The following SRGAP2 variants were observed in gnomAD, a reference collection of about 807,000 sequenced individuals.
SRGAP2 encodes SLIT-ROBO Rho GTPase-activating protein 2.
Under a neutral mutation model 57.2 loss-of-function variants are expected in SRGAP2, and 15 were observed. The observed-to-expected ratio is 0.26, with a 90% CI of 0.18 to 0.40. SRGAP2 has a LOEUF of 0.40. Ranked by LOEUF, SRGAP2 falls within the 10% of genes least tolerant of loss-of-function variation. The pLI, the probability that SRGAP2 is intolerant of heterozygous loss-of-function variation, is 1.00. For missense variants in SRGAP2, 520 were observed against 669.6 expected (o/e 0.78, Z 2.47); for synonymous variants, 249 against 248.0 (o/e 1.00, Z -0.04).
chr1:206,353,743 C>A (rs1481544612), intron 4 of SRGAP2, among the ~76,000 whole-genome samples: 1 of 147,902 alleles, frequency 6.8e-6, no homozygotes, highest in Non-Finnish European at 1.5e-5. Context: ...CCAATTCTTT[C>A]TTTTGTTCAC....
intron 2 of SRGAP2, among the ~76,000 whole-genome samples, chr1:206,284,025 T>C: frequency 6.6e-6 from 1 of 151,138 alleles, no homozygotes; most frequent in Non-Finnish European, 1.5e-5. Context: ...TTTAATTACT[T>C]GCTAACACAT....
At chr1:206,384,679 C>G (rs1656026799) in intron 5 of SRGAP2, among the ~76,000 whole-genome samples, 1 of 151,548 alleles carries the variant, frequency 6.6e-6, no homozygotes, top group South Asian at 2.1e-4. Flanking sequence ...TCTGAGATGA[C>G]TGGCGCTTCA....
At chr1:206,309,874 C>T (rs1672508624) in intron 3 of SRGAP2, among the ~76,000 whole-genome samples, 1 of 151,120 alleles carries the variant, frequency 6.6e-6, no homozygotes, top group Admixed American at 6.6e-5. Flanking sequence ...AAATCCAGGA[C>T]CCCAGGCTTA....
At chr1:206,438,298 AC>A (rs200196385) in intron 16 of SRGAP2, among the ~76,000 whole-genome samples, 200 bp downstream of exon 16, 1 of 145,812 alleles carries the variant, frequency 6.9e-6, no homozygotes, top group Non-Finnish European at 1.5e-5. Context: ...AGAATCTAGG[AC>A]CCCCCAAGTC....
At chr1:206,366,399 G>C (rs548902296) in intron 4 of SRGAP2, among the ~76,000 whole-genome samples, 87 of 152,316 alleles carry the variant, frequency 5.7e-4, no homozygotes, top group Non-Finnish European at 1.1e-3. Context: ...GGTGTTTTGA[G>C]GAGCCCTGTA....
intron 11 of SRGAP2, among the ~76,000 whole-genome samples, chr1:206,418,975 C>A (rs1660047504): frequency 1.3e-5 from 2 of 151,526 alleles, no homozygotes; most frequent in South Asian, 4.2e-4. Context: ...TCCACCCCAC[C>A]ACACACACAT....
At chr1:206,306,235 T>G (rs1672187668) in intron 3 of SRGAP2, among the ~76,000 whole-genome samples, 1 of 151,160 alleles carries the variant, frequency 6.6e-6, no homozygotes, top group Non-Finnish European at 1.5e-5. Flanking sequence ...GCTCTTAAGG[T>G]GGTGTGTCTG....
At chr1:206,437,833 G>T in intron 15 of SRGAP2, 131 bp from the exon 16 acceptor site, 1 of 693,978 alleles carries the variant, frequency 1.4e-6, no homozygotes, top group East Asian at 2.5e-5. Context: ...CCCACTCATG[G>T]CCACCATGCC....
chr1:206,374,019 C>CTTTTTTTTT (rs56021600), intron 4 of SRGAP2, among the ~76,000 whole-genome samples: 1 of 77,012 alleles, frequency 1.3e-5, no homozygotes, highest in African/African-American at 5.6e-5. Context: ...GATACACATT[C>CTTTTTTTTT]TTTTTTTTTT....
intron 3 of SRGAP2, among the ~76,000 whole-genome samples, chr1:206,341,435 T>C (rs1553335198): frequency 1.3e-5 from 2 of 152,058 alleles, no homozygotes; most frequent in Admixed American, 1.3e-4. Flanking sequence ...GCAAAGTGTT[T>C]AAAAATTTTT....
At chr1:206,294,494 AC>A (rs1671480857) in intron 2 of SRGAP2, among the ~76,000 whole-genome samples, 1 of 93,868 alleles carries the variant, frequency 1.1e-5, no homozygotes, top group Admixed American at 1.0e-4. Flanking sequence ...CCTTCCTCCC[AC>A]CAAGATTACT....
At chr1:206,229,416 C>G in intron 2 of SRGAP2, among the ~76,000 whole-genome samples, 1 of 151,962 alleles carries the variant, frequency 6.6e-6, no homozygotes, top group Admixed American at 6.5e-5. Context: ...AACTCTTGAC[C>G]ATTTTCATTT....
chr1:206,418,046 G>T (rs1303932184), intron 11 of SRGAP2, among the ~76,000 whole-genome samples: 2 of 151,362 alleles, frequency 1.3e-5, no homozygotes, highest in African/African-American at 4.9e-5. Flanking sequence ...AGGGATGAAG[G>T]CTGATCATTA....
chr1:206,303,884 T>TCACA (rs1269235142), intron 3 of SRGAP2, among the ~76,000 whole-genome samples: 8 of 142,616 alleles, frequency 5.6e-5, no homozygotes, highest in Non-Finnish European at 1.1e-4. Context: ...TCTCTCTCTC[T>TCACA]CTCTCACACA....
intron 3 of SRGAP2, among the ~76,000 whole-genome samples, chr1:206,336,081 G>A (rs1487409268): frequency 3.8e-4 from 55 of 145,150 alleles, no homozygotes; most frequent in Non-Finnish European, 6.8e-4. Flanking sequence ...TCTTGGGCAT[G>A]CTGTTCTCTC....
At chr1:206,417,051 G>T (rs1659787202) in intron 11 of SRGAP2, among the ~76,000 whole-genome samples, 1 of 151,516 alleles carries the variant, frequency 6.6e-6, no homozygotes, top group Non-Finnish European at 1.5e-5. Flanking sequence ...TCCTGCCTTG[G>T]ATGATTTCCC....
At position 206,451,292 on chromosome 1, in the gene SRGAP2, G is replaced by A. The variant is rs1387612178; in HGVS notation, c.2179+827G>A. Among the ~76,000 whole-genome samples the A allele has an allele frequency of 1.1e-4, 16 of 151,968 alleles. No individual in the cohort carries two copies. In the South Asian group the frequency reaches 1.7e-3, roughly 16 times the overall value. On this transcript the variant is annotated intron_variant, in intron 19 of 22. Coordinates refer to ENST00000573034, the MANE Select transcript of SRGAP2 (RefSeq NM_015326.5). ...TCCAAAGTACAGACATGCGAGTGCC[G>A]AGCAGCGTGGTGGGCGTGCATCAAG...
chr1:206,325,718 T>C (rs1334694901), intron 3 of SRGAP2, among the ~76,000 whole-genome samples: 1 of 152,012 alleles, frequency 6.6e-6, no homozygotes, highest in African/African-American at 2.4e-5. Flanking sequence ...GACCTATAAG[T>C]TGATTTTTTT....
Position 206,462,135 on chromosome 1 carries a change from G to C in SRGAP2, c.*715G>C, listed in dbSNP as rs1200696890. 6.6e-6 allele frequency: 1 copy of C among 152,388 alleles called. No individual in the cohort carries two copies. Among genetic ancestry groups the C allele is most frequent in the Admixed American group, 6.5e-5 (1 of 15,268 alleles). The allele number at this position is 152,388 out of a possible 1,614,324, so 9.4% of individuals were successfully genotyped here. ...ATGGGACAATCCCGTAACCTGTTTGGGGTTGGGGGCTTTCTCTCTGTGTTC... is the reference window on the plus strand; with the variant it reads ...ATGGGACAATCCCGTAACCTGTTTGCGGTTGGGGGCTTTCTCTCTGTGTTC... On this transcript the variant is annotated 3_prime_UTR_variant, in exon 23 of 23. Coordinates refer to ENST00000573034, the MANE Select transcript of SRGAP2 (RefSeq NM_015326.5).
Sources: allele counts gnomAD v4.1 joint callset (sites outside exome capture counted in the v4.1 genomes callset), GRCh38; gene constraint gnomAD v4.1.1; transcripts MANE v1.5; gene names NCBI Gene and HGNC (gene_info 2026-07-23, HGNC 2026-07-21).